The following FAM117B variants were observed in gnomAD, a reference collection of about 807,000 sequenced individuals.
FAM117B encodes the protein family with sequence similarity 117 member B, also known as protein FAM117B.
A neutral mutation model predicts 52.8 loss-of-function variants in FAM117B; 22 were observed. The ratio of observed to expected loss-of-function variants is 0.42; its 90% CI spans 0.30 to 0.59. The LOEUF (loss-of-function observed/expected upper bound fraction) is 0.59, where lower values mean the gene tolerates loss of function less well. Among genes scored for constraint, FAM117B ranks in the 20% least tolerant of loss-of-function variants. The probability of loss-of-function intolerance (pLI) is 0.22; values close to 1 mark genes in which losing one functional copy is unlikely to be tolerated. For missense variants in FAM117B, 678 were observed against 802.6 expected (o/e 0.84, Z 1.88); for synonymous variants, 309 against 324.1 (o/e 0.95, Z 0.50).
In FAM117B at chr2:202,654,062, TGAGAGAGAGAGAGAGA is replaced by T. The variant is rs60490884; in HGVS notation, c.601+18294_601+18309del. Among the ~76,000 whole-genome samples the T allele has an allele frequency of 3.0e-5, 4 of 134,862 alleles. No individual in the cohort carries two copies. In the South Asian group the frequency reaches 7.5e-4, roughly 25 times the overall value. 88.5% of individuals were successfully genotyped at this position (134,862 alleles called of 152,430 possible). ...GGAGGGGGTGCGGGAAGAGAGTGAG[TGAGAGAGAGAGAGAGA>T]GAGAGAGAGAGAGAGAGAGTGAGAG... On this transcript the variant is annotated intron_variant, in intron 1 of 7. Transcript: ENST00000392238.
At chr2:202,654,343 C>CT (rs919268128) in intron 1 of FAM117B, among the ~76,000 whole-genome samples, 1 of 149,764 alleles carries the variant, frequency 6.7e-6, no homozygotes, top group Non-Finnish European at 1.5e-5. Flanking sequence ...TATTTGTTCT[C>CT]TATCTGTTTG....
intron 4 of FAM117B, among the ~76,000 whole-genome samples, chr2:202,728,811 G>A (rs1691296347): frequency 6.6e-6 from 1 of 152,048 alleles, no homozygotes; most frequent in Non-Finnish European, 1.5e-5. Flanking sequence ...ACTTAATAAA[G>A]ATTATTGGAA....
chr2:202,738,379 A>G (rs1691473085), intron 4 of FAM117B, among the ~76,000 whole-genome samples: 1 of 152,238 alleles, frequency 6.6e-6, no homozygotes, highest in East Asian at 1.9e-4. Context: ...ACAGAAGATC[A>G]CAAGACTTCA....
Position 202,743,385 on chromosome 2 carries a change from A to G in FAM117B, c.961-12153A>G, listed in dbSNP as rs144199888. Among the ~76,000 whole-genome samples, 462 of 152,342 alleles carry G rather than the reference A, an allele frequency of 3.0e-3. 4 individuals are homozygous for G. Among genetic ancestry groups the G allele is most frequent in the African/African-American group, 0.01 (431 of 41,572 alleles). On this transcript the variant is annotated intron_variant, in intron 4 of 7. Transcript: ENST00000392238. ...CAAGCAACGCAACAGATAAATCTAT[A>G]GGAAAAAGGCTTTCCCTATGAAAGC...
At chr2:202,693,718 G>C (rs6741177) in intron 1 of FAM117B, among the ~76,000 whole-genome samples, 16,170 of 152,170 alleles carry the variant, frequency 0.11, 2,886 homozygotes, top group African/African-American at 0.37. Flanking sequence ...TCATGAATGA[G>C]TCTTTAGATC....
chr2:202,757,561 C>A (rs1163298336), intron 6 of FAM117B, 123 bp downstream of exon 6: 5 of 1,061,250 alleles, frequency 4.7e-6, no homozygotes, highest in Non-Finnish European at 6.8e-6. Context: ...TGTTCAAAGC[C>A]TAGGTTTTCA....
chr2:202,707,991 A>C (rs552657022), intron 2 of FAM117B, among the ~76,000 whole-genome samples: 4 of 152,018 alleles, frequency 2.6e-5, no homozygotes, highest in Non-Finnish European at 5.9e-5. Flanking sequence ...GCTGGTCTCG[A>C]ACTCCTGACC....
intron 2 of FAM117B, among the ~76,000 whole-genome samples, chr2:202,714,664 C>A (rs533662134): frequency 6.6e-5 from 10 of 150,868 alleles, no homozygotes; most frequent in Non-Finnish European, 1.3e-4. Flanking sequence ...TTTTCCTAGG[C>A]AGAGGACCCT....
At chr2:202,673,425 C>CTTTTTTTTTTT (rs1690327651) in intron 1 of FAM117B, among the ~76,000 whole-genome samples, 1 of 45,996 alleles carries the variant, frequency 2.2e-5, no homozygotes, top group African/African-American at 1.1e-4. Flanking sequence ...CCCTATTTTT[C>CTTTTTTTTTTT]TTTTTCTGTT....
intron 1 of FAM117B, among the ~76,000 whole-genome samples, chr2:202,694,251 T>A (rs1690676167): frequency 7.0e-6 from 1 of 142,352 alleles, no homozygotes; most frequent in Non-Finnish European, 1.5e-5. Context: ...AGTGCAGTGG[T>A]GCGATCTTGG....
rs1235337067 is a variant in FAM117B, at chr2:202,724,981, C to G, written c.818C>G (p.Ser273Cys). ...AAAGGGTCTCACAAGCGCTCAGCAT[C>G]TTGGGGCAGTACAGATCAACTTAAG... Reference protein sequence around the residue: ...KKKGSHKRSASWGSTDQLKEI... With the variant: ...KKKGSHKRSACWGSTDQLKEI... Residue 273 changes from serine (S) to cysteine (C), a missense_variant, in exon 3 of 8, where the codon TCT (serine) becomes TGT (cysteine). Physicochemically the swap from Ser to Cys is moderately radical, Grantham distance 112. Around this residue, in one of 3 missense-constraint regions of FAM117B, gnomAD observed 583 missense variants for 644.8 expected, o/e 0.90. Coordinates refer to ENST00000392238, the MANE Select transcript of FAM117B (RefSeq NM_173511.4). 2 of 1,613,276 alleles carry G rather than the reference C, an allele frequency of 1.2e-6. No homozygotes were observed. The highest frequency in any genetic ancestry group is 1.3e-5 in the African/African-American group (1 of 75,000).
intron 4 of FAM117B, among the ~76,000 whole-genome samples, chr2:202,727,655 C>T (rs1463677112): frequency 2.6e-5 from 4 of 151,996 alleles, no homozygotes; most frequent in African/African-American, 7.2e-5. Context: ...AATCATAATG[C>T]ACTTACCATG....
At chr2:202,662,096 G>A (rs1690137491) in intron 1 of FAM117B, among the ~76,000 whole-genome samples, 1 of 151,088 alleles carries the variant, frequency 6.6e-6, no homozygotes. Context: ...CCACAGGTGA[G>A]TGGATAAAGA....
chr2:202,755,032 TC>T (rs1691781393), intron 4 of FAM117B, among the ~76,000 whole-genome samples: 1 of 150,762 alleles, frequency 6.6e-6, no homozygotes. Flanking sequence ...AAGACACAGG[TC>T]ACATGGCCAA....
chr2:202,688,448 A>G (rs923704192), intron 1 of FAM117B, among the ~76,000 whole-genome samples: 8 of 152,090 alleles, frequency 5.3e-5, no homozygotes, highest in Non-Finnish European at 1.2e-4. Context: ...TATTATACAT[A>G]CTCTTTAAAA....
At position 202,758,480 on chromosome 2, in the gene FAM117B, G is replaced by A. The variant is rs930604553; in HGVS notation, c.1331-753G>A. On this transcript the variant is annotated intron_variant, in intron 6 of 7. Coordinates refer to ENST00000392238, the MANE Select transcript of FAM117B (RefSeq NM_173511.4). ...CTGATCCATTTGATTTTAGTAGCTG[G>A]TTGGCCTCTGTGAATTTCTTTTGTA... Among the ~76,000 whole-genome samples the A allele has an allele frequency of 5.9e-5, 9 of 152,144 alleles. No homozygotes were observed. In the East Asian group the frequency reaches 1.7e-3, roughly 29 times the overall value.
chr2:202,744,832 C>T (rs1691605723), intron 4 of FAM117B, among the ~76,000 whole-genome samples: 1 of 151,112 alleles, frequency 6.6e-6, no homozygotes, highest in African/African-American at 2.4e-5. Context: ...AAAAAATTAG[C>T]TGGGCATGGT....
intron 4 of FAM117B, among the ~76,000 whole-genome samples, chr2:202,734,042 T>C (rs1261661302): frequency 6.6e-6 from 1 of 152,238 alleles, no homozygotes; most frequent in African/African-American, 2.4e-5. Flanking sequence ...ACAATTTATG[T>C]TCCTCTGCTG....
At chr2:202,680,195 C>G (rs1690441098) in intron 1 of FAM117B, among the ~76,000 whole-genome samples, 1 of 151,872 alleles carries the variant, frequency 6.6e-6, no homozygotes, top group South Asian at 2.1e-4. Context: ...TGAACAGAAC[C>G]TTTGTGATCT....
Sources: allele counts gnomAD v4.1 joint callset (sites outside exome capture counted in the v4.1 genomes callset), GRCh38; gene constraint gnomAD v4.1.1; regional missense constraint gnomAD v4.1.1; transcripts MANE v1.5; gene names NCBI Gene and HGNC (gene_info 2026-07-23, HGNC 2026-07-21).